AGAP1: variants seen among roughly 807,000 people sequenced by gnomAD.
The protein encoded by AGAP1 is ArfGAP with GTPase domain, ankyrin repeat and PH domain 1.
AGAP1 carries 29 observed loss-of-function variants against 105.3 expected under a neutral mutation model. That is an observed-to-expected ratio of 0.28 (90% CI 0.21 to 0.38). The LOEUF (loss-of-function observed/expected upper bound fraction) is 0.38. Among genes scored for constraint, AGAP1 ranks in the 10% least tolerant of loss-of-function variants. AGAP1 has a pLI of 1.00. For synonymous variants in AGAP1, 509 were observed against 485.9 expected, an observed-to-expected ratio of 1.05 and a Z score of -0.63; for missense variants, 998 against 1,165.1, an observed-to-expected ratio of 0.86 and a Z score of 2.09.
intron 1 of AGAP1, among the ~76,000 whole-genome samples, chr2:235,500,366 G>A (rs1158512373): frequency 6.6e-6 from 1 of 152,132 alleles, no homozygotes; most frequent in African/African-American, 2.4e-5. Flanking sequence ...CGAGTTTCTA[G>A]TTCTGTGGGT....
Position 235,799,290 on chromosome 2 carries a change from G to T in AGAP1, c.802-77G>T, listed in dbSNP as rs1194588636. The T allele has an allele frequency of 3.3e-6, 5 of 1,535,420 alleles. No homozygotes were observed. In the Admixed American group the frequency reaches 5.3e-5, roughly 16 times the overall value. ...CCATGGGGCTCATGCTCACTTGTTG[G>T]TTATGACCTTGCCTAAGTGGAGGTC... On this transcript the variant is annotated intron_variant, in intron 7 of 17. Transcript: ENST00000304032. The surrounding 1 kb of genome is among the most constrained non-coding windows in gnomAD (Gnocchi z 5.0).
At chr2:235,948,778 G>A (rs2053607834) in intron 12 of AGAP1, among the ~76,000 whole-genome samples, 1 of 152,076 alleles carries the variant, frequency 6.6e-6, no homozygotes, top group African/African-American at 2.4e-5. Context: ...GAGAATGCTA[G>A]GATCCTGGCC....
intron 9 of AGAP1, among the ~76,000 whole-genome samples, chr2:235,868,982 T>C (rs1345686228): frequency 6.6e-6 from 1 of 152,194 alleles, no homozygotes; most frequent in Non-Finnish European, 1.5e-5. Flanking sequence ...ATTTTGGTTA[T>C]AGGTCATTAA....
In AGAP1 at chr2:235,690,319, G is replaced by A. The variant is rs143452190; in HGVS notation, c.164-18860G>A. Among the ~76,000 whole-genome samples the A allele has an allele frequency of 6.4e-3, 838 of 130,136 alleles. 10 individuals carry two copies. Among genetic ancestry groups the A allele is most frequent in the African/African-American group, 0.024 (805 of 33,768 alleles). The allele number at this position is 130,136 out of a possible 152,430, so 85.4% of individuals were successfully genotyped here. On this transcript the variant is annotated intron_variant, in intron 1 of 17. Transcript: ENST00000304032. The surrounding 1 kb of genome is among the most constrained non-coding windows in gnomAD (Gnocchi z 4.1). ...TTTAAAGGTGAAAGCAGCAGGTGGGGTGGACTCCTGGGGCTGGGGAGGCCG... is the reference window on the plus strand; with the variant it reads ...TTTAAAGGTGAAAGCAGCAGGTGGGATGGACTCCTGGGGCTGGGGAGGCCG...
At chr2:235,637,422 G>A (rs1377611699) in intron 1 of AGAP1, among the ~76,000 whole-genome samples, 1 of 151,752 alleles carries the variant, frequency 6.6e-6, no homozygotes, top group African/African-American at 2.4e-5. Context: ...ACAGGTGCAT[G>A]CCACCATGCC....
chr2:235,796,911 G>A (rs576689969), intron 6 of AGAP1, among the ~76,000 whole-genome samples: 8 of 152,264 alleles, frequency 5.3e-5, no homozygotes, highest in East Asian at 3.9e-4. Flanking sequence ...TTTTCTAATC[G>A]TTGACTTCCT....
chr2:235,591,224 C>T (rs1945328776), intron 1 of AGAP1, among the ~76,000 whole-genome samples: 1 of 152,130 alleles, frequency 6.6e-6, no homozygotes, highest in Non-Finnish European at 1.5e-5. Context: ...CCATGTTGGC[C>T]AGGCTGGTCT....
At chr2:236,070,852 C>G (rs951095384) in intron 16 of AGAP1, among the ~76,000 whole-genome samples, 1 of 152,052 alleles carries the variant, frequency 6.6e-6, no homozygotes, top group Non-Finnish European at 1.5e-5. Flanking sequence ...TCAAAATGTC[C>G]CCAAATTGGT....
chr2:236,102,160 G>A (rs1280985003), intron 16 of AGAP1, among the ~76,000 whole-genome samples: 1 of 152,166 alleles, frequency 6.6e-6, no homozygotes, highest in Non-Finnish European at 1.5e-5. Context: ...GCTCACGCCT[G>A]TAATCCCAGC....
chr2:235,748,394 T>C (rs1953142043), intron 5 of AGAP1, among the ~76,000 whole-genome samples: 1 of 152,206 alleles, frequency 6.6e-6, no homozygotes, highest in Non-Finnish European at 1.5e-5. Flanking sequence ...GTAACTTCTT[T>C]TTACAATTAA....
chr2:235,977,490 A>G lies in AGAP1; in HGVS notation c.1645+8867A>G, dbSNP rs1358531484. The stretch of plus-strand genomic sequence containing the variant: ...ACAAAGTACAGGGATACAGATTGAA[A>G]TGTTCAGCAGCAAGGTATGAGAGGT... On this transcript the variant is annotated intron_variant, in intron 13 of 17. Transcript: ENST00000304032. This position sits in a 1 kb window ranked among gnomAD's most constrained non-coding sequence, Gnocchi z 5.2. Among the ~76,000 whole-genome samples, 1 of 152,112 alleles carries G rather than the reference A, an allele frequency of 6.6e-6. No homozygotes were observed. Among genetic ancestry groups the G allele is most frequent in the Non-Finnish European group, 1.5e-5 (1 of 68,012 alleles).
intron 13 of AGAP1, among the ~76,000 whole-genome samples, chr2:236,032,626 G>A (rs72973014): frequency 0.11 from 17,227 of 152,172 alleles, 1,143 homozygotes; most frequent in African/African-American, 0.19. Flanking sequence ...GGATGCACGC[G>A]TGCACGTGTC....
intron 9 of AGAP1, 89 bp downstream of exon 9, chr2:235,807,420 T>C: frequency 8.7e-7 from 1 of 1,150,790 alleles, no homozygotes; most frequent in Non-Finnish European, 1.2e-6. Flanking sequence ...CACCAAGGTC[T>C]GTCTGATGTG....
Position 235,577,828 on chromosome 2 carries a change from CA to C in AGAP1, c.163+82983del, listed in dbSNP as rs1358163245. On this transcript the variant is annotated intron_variant, in intron 1 of 17. Coordinates refer to ENST00000304032, the MANE Select transcript of AGAP1 (RefSeq NM_001037131.3). The surrounding 1 kb of genome is among the most constrained non-coding windows in gnomAD (Gnocchi z 4.5). The stretch of plus-strand genomic sequence containing the variant: ...ATGTAATCCCTCCTTCAGCGCTGCA[CA>C]AAAGGCCCATGTCTGCTCGCTGGGA... Among the ~76,000 whole-genome samples the C allele has an allele frequency of 6.6e-6, 1 of 152,054 alleles. No homozygotes were observed. Among genetic ancestry groups the C allele is most frequent in the African/African-American group, 2.4e-5 (1 of 41,390 alleles).
intron 6 of AGAP1, among the ~76,000 whole-genome samples, chr2:235,766,884 T>C (rs944205618): frequency 3.3e-5 from 5 of 151,274 alleles, no homozygotes; most frequent in Non-Finnish European, 5.9e-5. Flanking sequence ...TGGGATTATA[T>C]GTGCGTGCCA....
intron 1 of AGAP1, among the ~76,000 whole-genome samples, chr2:235,531,943 C>T (rs1362867365): frequency 6.6e-6 from 1 of 152,066 alleles, no homozygotes; most frequent in Non-Finnish European, 1.5e-5. Context: ...AGCTGGGACT[C>T]CAGCCCTGTG....
intron 8 of AGAP1, among the ~76,000 whole-genome samples, chr2:235,802,579 G>T (rs1390648369): frequency 6.6e-6 from 1 of 152,216 alleles, no homozygotes; most frequent in Non-Finnish European, 1.5e-5. Flanking sequence ...AAAGTTCTGG[G>T]CAGGGATCCA....
At chr2:235,498,747 C>T (rs1371787560) in intron 1 of AGAP1, among the ~76,000 whole-genome samples, 5 of 152,176 alleles carry the variant, frequency 3.3e-5, no homozygotes, top group Admixed American at 6.5e-5. Flanking sequence ...CACGCATCGC[C>T]GGGAAGGTTG....
rs1272312867 is a variant in AGAP1 at position 235,551,796 on chromosome 2, A to C, written c.163+56947A>C. ...ACCTTTGCTCTTCACCTTGACTGGTAGATCCTGAAGGCGTAGAAAGAGGGT... is the reference window on the plus strand; with the variant it reads ...ACCTTTGCTCTTCACCTTGACTGGTCGATCCTGAAGGCGTAGAAAGAGGGT... On this transcript the variant is annotated intron_variant, in intron 1 of 17. Coordinates refer to ENST00000304032, the MANE Select transcript of AGAP1 (RefSeq NM_001037131.3). This position sits in a 1 kb window ranked among gnomAD's most constrained non-coding sequence, Gnocchi z 4.8. Among the ~76,000 whole-genome samples the C allele has an allele frequency of 6.6e-6, 1 of 152,198 alleles. No homozygotes were observed. The highest frequency in any genetic ancestry group is 2.4e-5 in the African/African-American group (1 of 41,434).
Sources: allele counts gnomAD v4.1 joint callset (sites outside exome capture counted in the v4.1 genomes callset), GRCh38; gene constraint gnomAD v4.1.1; non-coding constraint Gnocchi (gnomAD v3.1); transcripts MANE v1.5; gene names NCBI Gene and HGNC (gene_info 2026-07-23, HGNC 2026-07-21).